Variants in ST18 observed in about 807,000 individuals in gnomAD.
The protein encoded by ST18 is ST18 C2H2C-type zinc finger transcription factor.
ST18 carries 50 observed loss-of-function variants against 110.0 expected under a neutral mutation model. The ratio of observed to expected loss-of-function variants is 0.45; its 90% CI spans 0.36 to 0.58. ST18 has a LOEUF of 0.58. Among genes scored for constraint, ST18 ranks in the 20% least tolerant of loss-of-function variants. The pLI is 0.00. For missense variants in ST18, 1,306 were observed against 1,280.1 expected, an observed-to-expected ratio of 1.02 and a Z score of -0.31; for synonymous variants, 461 against 452.4, an observed-to-expected ratio of 1.02 and a Z score of -0.24.
intron 2 of ST18, among the ~76,000 whole-genome samples, chr8:52,243,889 G>A (rs1191210038): frequency 1.3e-5 from 2 of 152,136 alleles, no homozygotes; most frequent in Admixed American, 6.5e-5. Context: ...GAGGGAGAGA[G>A]AGGGAGAGAG....
intron 2 of ST18, among the ~76,000 whole-genome samples, chr8:52,312,093 C>G (rs1445328276): frequency 6.6e-6 from 1 of 152,132 alleles, no homozygotes; most frequent in Non-Finnish European, 1.5e-5. Context: ...GTTTATTATT[C>G]AGGAAATGAG....
intron 23 of ST18, among the ~76,000 whole-genome samples, chr8:52,122,077 C>T (rs2045114827): frequency 6.6e-6 from 1 of 152,146 alleles, no homozygotes; most frequent in African/African-American, 2.4e-5. Context: ...ATCTCTTGAC[C>T]TGCTGATCCG....
chr8:52,251,626 C>T (rs1253186215), intron 2 of ST18, among the ~76,000 whole-genome samples: 1 of 152,034 alleles, frequency 6.6e-6, no homozygotes, highest in African/African-American at 2.4e-5. Context: ...AGCTCATTAT[C>T]TAGAATGATC....
At chr8:52,235,656 TACATGTGAAGCTTAAA>T (rs1369666513) in intron 2 of ST18, among the ~76,000 whole-genome samples, 9 of 152,318 alleles carry the variant, frequency 5.9e-5, no homozygotes, top group Admixed American at 2.0e-4. Flanking sequence ...GTAAGACTCA[TACATGTGAAGCTTAAA>T]ACAGGTAATA....
chr8:52,242,999 A>G (rs1159118219), intron 2 of ST18, among the ~76,000 whole-genome samples: 1 of 152,024 alleles, frequency 6.6e-6, no homozygotes, highest in Non-Finnish European at 1.5e-5. Context: ...CAATTACCTT[A>G]TGTTTCTATG....
intron 2 of ST18, among the ~76,000 whole-genome samples, chr8:52,266,378 A>G (rs932478889): frequency 1.4e-4 from 21 of 152,232 alleles, no homozygotes; most frequent in Admixed American, 1.3e-3. Context: ...TCAAGACACC[A>G]GAGAAGGACA....
At chr8:52,309,263 G>A (rs905599454) in intron 2 of ST18, among the ~76,000 whole-genome samples, 1 of 152,208 alleles carries the variant, frequency 6.6e-6, no homozygotes, top group Non-Finnish European at 1.5e-5. Context: ...GCTCACACCT[G>A]TAATTCCAGC....
chr8:52,302,106 C>A (rs1054730433), intron 2 of ST18, among the ~76,000 whole-genome samples: 3 of 152,154 alleles, frequency 2.0e-5, no homozygotes, highest in Admixed American at 1.3e-4. Flanking sequence ...TGGAGGAAGG[C>A]ATCCACATGG....
intron 2 of ST18, among the ~76,000 whole-genome samples, chr8:52,315,760 G>A (rs2096013659): frequency 6.6e-6 from 1 of 152,162 alleles, no homozygotes; most frequent in Non-Finnish European, 1.5e-5. Flanking sequence ...CTATATAGCT[G>A]TCAAGCAAAT....
chr8:52,285,239 TTC>T (rs2095449891), intron 2 of ST18, among the ~76,000 whole-genome samples: 1 of 152,202 alleles, frequency 6.6e-6, no homozygotes, highest in Non-Finnish European at 1.5e-5. Flanking sequence ...TAACGCTTGA[TTC>T]TGGTCCAAAC....
At chr8:52,370,215 T>A (rs1258332152) in intron 2 of ST18, among the ~76,000 whole-genome samples, 1 of 152,120 alleles carries the variant, frequency 6.6e-6, no homozygotes, top group Non-Finnish European at 1.5e-5. Flanking sequence ...GGGTCTAGCG[T>A]CTAATAAGGG....
chr8:52,293,039 T>G lies in ST18; in HGVS notation c.-464-62962A>C, dbSNP rs557162835. Among the ~76,000 whole-genome samples the G allele has an allele frequency of 2.6e-4, 39 of 152,364 alleles. No individual in the cohort carries two copies. In the South Asian group the frequency reaches 7.9e-3, roughly 31 times the overall value. On this transcript the variant is annotated intron_variant, in intron 2 of 25. Coordinates refer to ENST00000689386, the MANE Select transcript of ST18 (RefSeq NM_001352837.2). ...TTAATCGATCGTGAGAATTATGTAC[T>G]TTCTCTCTGGACCTTGAATTCTATG...
intron 2 of ST18, among the ~76,000 whole-genome samples, chr8:52,265,981 G>A (rs1051874997): frequency 6.6e-6 from 1 of 152,334 alleles, no homozygotes; most frequent in East Asian, 1.9e-4. Flanking sequence ...CTGAGCAGAA[G>A]TCACAGATGT....
chr8:52,391,655 T>C (rs756109866), intron 2 of ST18, among the ~76,000 whole-genome samples: 6 of 152,200 alleles, frequency 3.9e-5, no homozygotes, highest in African/African-American at 7.2e-5. Flanking sequence ...CTAGGAGCAA[T>C]AGACTGTCCC....
intron 2 of ST18, among the ~76,000 whole-genome samples, chr8:52,364,980 G>C (rs114734678): frequency 6.6e-6 from 1 of 151,982 alleles, no homozygotes; most frequent in South Asian, 2.1e-4. Context: ...GCATGGTTGC[G>C]GGGGGTGCCT....
intron 2 of ST18, among the ~76,000 whole-genome samples, chr8:52,304,002 T>C (rs1209547835): frequency 6.6e-6 from 1 of 152,168 alleles, no homozygotes; most frequent in Admixed American, 6.5e-5. Flanking sequence ...GTATTTGGGG[T>C]GGTGGGGCAT....
intron 17 of ST18, among the ~76,000 whole-genome samples, chr8:52,142,235 G>A (rs1244709254): frequency 6.6e-6 from 1 of 152,172 alleles, no homozygotes. Context: ...GCTGGAAAAG[G>A]AAGGGGAGAC....
intron 2 of ST18, among the ~76,000 whole-genome samples, chr8:52,310,204 G>A (rs760250602): frequency 6.6e-6 from 1 of 152,136 alleles, no homozygotes; most frequent in African/African-American, 2.4e-5. Context: ...ATGATGGCCC[G>A]GCAATTATGA....
At chr8:52,148,140 G>A (rs539067023) in intron 16 of ST18, among the ~76,000 whole-genome samples, 6 of 151,636 alleles carry the variant, frequency 4.0e-5, no homozygotes, top group Non-Finnish European at 7.4e-5. Context: ...GTCATTTGAG[G>A]CAAATGAGCT....
Sources: gnomAD v4.1 joint callset for allele counts (sites outside exome capture counted in the v4.1 genomes callset) on GRCh38, gnomAD v4.1.1 for gene constraint, MANE v1.5 for transcripts, NCBI Gene and HGNC (gene_info 2026-07-23, HGNC 2026-07-21) for gene names.